DNAI3: variants seen among roughly 807,000 people sequenced by gnomAD.
DNAI3 encodes WD repeat domain 63.
In DNAI3, 83 loss-of-function variants were observed where a neutral mutation model predicts 115.5. The observed-to-expected ratio is 0.72, with a 90% CI of 0.60 to 0.86. DNAI3 has a LOEUF of 0.86. DNAI3 is among the 40% of genes least tolerant of loss of function. The pLI is 0.00. For synonymous variants in DNAI3, 320 were observed against 347.0 expected (o/e 0.92, Z 0.86); for missense variants, 1,004 against 1,075.8 (o/e 0.93, Z 0.93).
rs762916389 is a variant in DNAI3, at chr1:85,132,985, T to A, written c.2663T>A (p.Met888Lys). Residue 888 changes from methionine (M) to lysine (K), a missense_variant, in exon 23 of 23, where the codon ATG (methionine) becomes AAG (lysine). Met to Lys is a moderately conservative substitution (Grantham distance 95, BLOSUM62 -1). Around this residue, in one of 3 missense-constraint regions of DNAI3, gnomAD observed 429 missense variants for 454.3 expected, o/e 0.94. Coordinates refer to ENST00000294664, the MANE Select transcript of DNAI3 (RefSeq NM_145172.5). ...LIKVTEKGSY[M>K]EVM ...AAAGTCACAGAGAAGGGGTCATACATGGAGGTGATGTAAAAAAGCTTCCTG... is the reference window on the plus strand; with the variant it reads ...AAAGTCACAGAGAAGGGGTCATACAAGGAGGTGATGTAAAAAAGCTTCCTG... 5.0e-6 allele frequency: 8 copies of A among 1,609,720 alleles called. No individual in the cohort carries two copies. In the African/African-American group the frequency reaches 9.4e-5, roughly 19 times the overall value.
chr1:85,127,507 G>A (rs1158551282), intron 20 of DNAI3, among the ~76,000 whole-genome samples: 1 of 152,180 alleles, frequency 6.6e-6, no homozygotes, highest in African/African-American at 2.4e-5. Flanking sequence ...AAAGTTCTGG[G>A]ATTATAGGGG....
rs898632284 is a variant in DNAI3 at position 85,072,425 on chromosome 1, C to T, written c.64+420C>T. ...TTGGGAGGCCGAGGCGGTTGGATCA[C>T]GAGGTCAGGAGTTCGAGACCAGCCT... is the stretch of plus-strand genomic sequence containing the variant. On this transcript the variant is annotated intron_variant, in intron 2 of 22. Coordinates refer to ENST00000294664, the MANE Select transcript of DNAI3 (RefSeq NM_145172.5). 3.3e-5 allele frequency among the ~76,000 whole-genome samples: 5 copies of T among 151,960 alleles called. No homozygotes were observed. In the East Asian group the frequency reaches 5.8e-4, roughly 18 times the overall value.
chr1:85,105,010 G>A (rs754905303), intron 14 of DNAI3, among the ~76,000 whole-genome samples: 18 of 152,094 alleles, frequency 1.2e-4, no homozygotes, highest in Middle Eastern at 3.4e-3. Context: ...TAAACAACTC[G>A]GTAGCTACTT....
intron 14 of DNAI3, among the ~76,000 whole-genome samples, chr1:85,104,844 C>G (rs1187145435): frequency 6.6e-6 from 1 of 152,100 alleles, no homozygotes; most frequent in Non-Finnish European, 1.5e-5. Flanking sequence ...CATAGTTCTT[C>G]TTCACATTCT....
chr1:85,089,521 T>G (rs1654905068), intron 7 of DNAI3, among the ~76,000 whole-genome samples: 1 of 149,624 alleles, frequency 6.7e-6, no homozygotes, highest in Non-Finnish European at 1.5e-5. Context: ...GAAATGTATC[T>G]TATTCCTAGT....
chr1:85,104,155 C>T (rs1315444342), intron 13 of DNAI3, among the ~76,000 whole-genome samples: 1 of 142,940 alleles, frequency 7.0e-6, no homozygotes, highest in Admixed American at 7.2e-5. Context: ...GAGTCTCGCT[C>T]TGTCGCCCAG....
intron 22 of DNAI3, among the ~76,000 whole-genome samples, chr1:85,131,360 C>T (rs183037104): frequency 6.1e-5 from 9 of 147,524 alleles, no homozygotes; most frequent in Admixed American, 5.6e-4. Context: ...AGGAGAATCA[C>T]TTGAACCTGG....
At chr1:85,063,274 A>C (rs1653991384) in intron 1 of DNAI3, among the ~76,000 whole-genome samples, 1 of 145,230 alleles carries the variant, frequency 6.9e-6, no homozygotes, top group Non-Finnish European at 1.5e-5. Context: ...ATTGCCTTGA[A>C]TGATGAGAAA....
At position 85,084,561 on chromosome 1, in the gene DNAI3, G is replaced by A; in HGVS notation, c.406G>A (p.Glu136Lys). Reference sequence around the variant, plus strand: ...TTTACTTTAGCCCCCAGAAGTACCAGAAGAACAAGAAGAATATAAAGAACA... The same window carrying A: ...TTTACTTTAGCCCCCAGAAGTACCAAAAGAACAAGAAGAATATAAAGAACA... The part of the protein sequence containing the change: ...ENYLNPPEVP[E>K]EQEEYKEHIP... Residue 136 changes from glutamate (E) to lysine (K), a missense_variant, in exon 6 of 23, where the codon GAA becomes AAA. Transcript: ENST00000294664. 6.8e-7 allele frequency: 1 copy of A among 1,463,690 alleles called. No homozygotes were observed. Among genetic ancestry groups the A allele is most frequent in the African/African-American group, 1.4e-5 (1 of 69,248 alleles). The allele number at this position is 1,463,690 out of a possible 1,614,324, so 90.7% of individuals were successfully genotyped here. A position where few individuals can be genotyped will look rare whatever the true frequency, so the allele number is the denominator to read the frequency against.
intron 16 of DNAI3, among the ~76,000 whole-genome samples, chr1:85,115,200 G>A (rs1316728305): frequency 2.0e-5 from 3 of 152,148 alleles, no homozygotes; most frequent in Non-Finnish European, 4.4e-5. Context: ...AGGAAGATGA[G>A]GGGAGTAAAT....
intron 14 of DNAI3, 123 bp from the exon 15 acceptor site, chr1:85,107,910 T>C (rs543167209): frequency 1.6e-6 from 1 of 624,392 alleles, no homozygotes; most frequent in Admixed American, 3.8e-5. Flanking sequence ...ATAAAAATCT[T>C]AGTTTCAGAT....
Position 85,099,376 on chromosome 1 carries a change from A to G in DNAI3, c.1479+718A>G, listed in dbSNP as rs1015386317. 3 of 686,158 alleles carry G rather than the reference A, an allele frequency of 4.4e-6. No homozygotes were observed. The African/African-American group carries it at 5.8e-5, about 13-fold the overall frequency. The allele number at this position is 686,158 out of a possible 1,614,324, so 42.5% of individuals were successfully genotyped here. On this transcript the variant is annotated intron_variant, in intron 13 of 22. Coordinates refer to ENST00000294664, the MANE Select transcript of DNAI3 (RefSeq NM_145172.5). ...AATCATGAGTGAACTCCCATTCACA[A>G]TTGCTTCAAAGAGAATAAAATACCT...
Position 85,121,733 on chromosome 1 carries a change from A to T in DNAI3, c.1918-18A>T. 1 of 1,613,342 alleles carries T rather than the reference A, an allele frequency of 6.2e-7. No individual in the cohort carries two copies. Among genetic ancestry groups the T allele is most frequent in the Non-Finnish European group, 8.5e-7 (1 of 1,179,400 alleles). On this transcript the variant is annotated intron_variant, in intron 17 of 22. Transcript: ENST00000294664. ...TTAAGTTGTCATTGTACTCATCAGG[A>T]ACCTGTAATATTTTTAGGAAGGCGA...
chr1:85,073,190 C>A, intron 3 of DNAI3, 98 bp downstream of exon 3: 3 of 848,588 alleles, frequency 3.5e-6, no homozygotes, highest in Non-Finnish European at 3.5e-6. Context: ...AGTGATCAAT[C>A]AAAATGTACA....
chr1:85,110,585 T>A (rs1367691326), intron 16 of DNAI3, among the ~76,000 whole-genome samples: 2 of 152,120 alleles, frequency 1.3e-5, no homozygotes, highest in African/African-American at 4.8e-5. Context: ...AACCCTCCAA[T>A]GTGGAACTTT....
intron 20 of DNAI3, among the ~76,000 whole-genome samples, chr1:85,127,006 A>G (rs1656166395): frequency 6.6e-6 from 1 of 152,164 alleles, no homozygotes; most frequent in Admixed American, 6.5e-5. Context: ...TGTCAGGCAG[A>G]GGCTGGTTTT....
chr1:85,121,103 A>C (rs1007369940), intron 17 of DNAI3, among the ~76,000 whole-genome samples: 1 of 152,076 alleles, frequency 6.6e-6, no homozygotes, highest in African/African-American at 2.4e-5. Flanking sequence ...ACAGCGAGGG[A>C]CTAATTATTT....
chr1:85,128,685 C>T, intron 20 of DNAI3, 23 bp from the exon 21 acceptor site: 1 of 1,583,558 alleles, frequency 6.3e-7, no homozygotes, highest in South Asian at 1.1e-5. Flanking sequence ...ATTTTTTCCT[C>T]CCATTTATTT....
chr1:85,067,753 C>G (rs971211600), intron 1 of DNAI3, among the ~76,000 whole-genome samples: 1 of 152,166 alleles, frequency 6.6e-6, no homozygotes, highest in Non-Finnish European at 1.5e-5. Flanking sequence ...ACTTAACTCT[C>G]CCTTCTGACT....
Sources: gnomAD v4.1 joint callset for allele counts (sites outside exome capture counted in the v4.1 genomes callset) on GRCh38, gnomAD v4.1.1 for gene constraint, gnomAD v4.1.1 regional missense constraint, MANE v1.5 for transcripts, NCBI Gene and HGNC (gene_info 2026-07-23, HGNC 2026-07-21) for gene names.